The following GRIK2 variants were observed in gnomAD, a reference collection of about 807,000 sequenced individuals.
GRIK2 encodes glutamate ionotropic receptor kainate type subunit 2, also known as glutamate receptor ionotropic, kainate 2.
GRIK2 carries 32 observed loss-of-function variants against 100.3 expected under a neutral mutation model. The ratio of observed to expected loss-of-function variants is 0.32; its 90% CI spans 0.24 to 0.43. GRIK2 has a LOEUF of 0.43. GRIK2 is among the 20% of genes least tolerant of loss of function. The probability of loss-of-function intolerance (pLI) is 1.00; values close to 1 mark genes in which losing one functional copy is unlikely to be tolerated. For synonymous variants in GRIK2, 417 were observed against 389.4 expected, an observed-to-expected ratio of 1.07 and a Z score of -0.83; for missense variants, 843 against 1,114.9, an observed-to-expected ratio of 0.76 and a Z score of 3.47.
rs141915016 is a variant in GRIK2 at position 101,899,284 on chromosome 6, T to C, written c.1748+9421T>C. The stretch of plus-strand genomic sequence containing the variant: ...GTATAGTTTTTCTAGTTAGCTCTTG[T>C]GTAATAAAGCTGACTATGAAAATAT... On this transcript the variant is annotated intron_variant, in intron 12 of 16. Coordinates refer to ENST00000369134, the MANE Select transcript of GRIK2 (RefSeq NM_021956.5). 7.9e-3 allele frequency among the ~76,000 whole-genome samples: 1,203 copies of C among 151,962 alleles called. 22 individuals are homozygous for C. The highest frequency in any genetic ancestry group is 0.027 in the African/African-American group (1,138 of 41,540).
chr6:101,437,020 A>G lies in GRIK2; in HGVS notation c.115+37628A>G, dbSNP rs1057001145. On this transcript the variant is annotated intron_variant, in intron 2 of 16. Transcript: ENST00000369134. ...AAAATAATTTTAGAGTTCAATACCT[A>G]TATGGATATATATATATATATTTAT... is the stretch of plus-strand genomic sequence containing the variant. Among the ~76,000 whole-genome samples, 4 of 151,014 alleles carry G rather than the reference A, an allele frequency of 2.6e-5. No homozygotes were observed. In the East Asian group the frequency reaches 5.8e-4, roughly 22 times the overall value.
In GRIK2 at chr6:101,810,924, G is replaced by C. The variant is rs564703714; in HGVS notation, c.1204-7446G>C. Among the ~76,000 whole-genome samples, 18 of 152,074 alleles carry C rather than the reference G, an allele frequency of 1.2e-4. No individual in the cohort carries two copies. In the East Asian group the frequency reaches 3.5e-3, roughly 29 times the overall value. Reference sequence around the variant, plus strand: ...GTTTTCAGAAATAATAGGTATATGAGTTAATAGAGAAATAAACAGTCCACT... The same window carrying C: ...GTTTTCAGAAATAATAGGTATATGACTTAATAGAGAAATAAACAGTCCACT... On this transcript the variant is annotated intron_variant, in intron 9 of 16. Coordinates refer to ENST00000369134, the MANE Select transcript of GRIK2 (RefSeq NM_021956.5).
At chr6:101,973,136 C>T (rs866956302) in intron 14 of GRIK2, among the ~76,000 whole-genome samples, 1 of 151,822 alleles carries the variant, frequency 6.6e-6, no homozygotes, top group Non-Finnish European at 1.5e-5. Flanking sequence ...TATGACCTAT[C>T]TCTCAGACAT....
Position 102,056,801 on chromosome 6 carries a change from T to C in GRIK2, c.2562+1221T>C, listed in dbSNP as rs545252330. Among the ~76,000 whole-genome samples, 6 of 152,110 alleles carry C rather than the reference T, an allele frequency of 3.9e-5. No homozygotes were observed. The East Asian group carries it at 9.7e-4, about 25-fold the overall frequency. On this transcript the variant is annotated intron_variant, in intron 16 of 16. Transcript: ENST00000369134. The stretch of plus-strand genomic sequence containing the variant: ...GAATTTTGGATACAGTATTTGTACA[T>C]TTTTGCTTGATTACAGTACTTGACA...
chr6:101,521,041 C>T (rs72957154), intron 2 of GRIK2, among the ~76,000 whole-genome samples: 2 of 151,744 alleles, frequency 1.3e-5, no homozygotes, highest in South Asian at 2.1e-4. Context: ...TAATATTTGA[C>T]CATGCCAGTT....
At chr6:101,894,752 A>G (rs565811846) in intron 12 of GRIK2, among the ~76,000 whole-genome samples, 1 of 151,632 alleles carries the variant, frequency 6.6e-6, no homozygotes, top group Non-Finnish European at 1.5e-5. Flanking sequence ...TTATAAAATG[A>G]CTCCATTAAA....
chr6:102,068,774 A>T lies in GRIK2; in HGVS notation c.*263A>T, dbSNP rs1388997830. ...CTTCTGAGTGAATGTTAACATGCGC[A>T]TTTTGTGGCTGATTTCAAATGCAGT... On this transcript the variant is annotated 3_prime_UTR_variant, in exon 17 of 17. Transcript: ENST00000369134. The T allele has an allele frequency of 3.7e-6, 1 of 270,408 alleles. No individual in the cohort carries two copies. The highest frequency in any genetic ancestry group is 7.0e-6 in the Non-Finnish European group (1 of 143,028). 16.8% of individuals were successfully genotyped at this position (270,408 alleles called of 1,614,324 possible). A position where few individuals can be genotyped will look rare whatever the true frequency, so the allele number is the denominator to read the frequency against.
rs181114522 is a variant in GRIK2, at chr6:101,464,407, C to A, written c.115+65015C>A. On this transcript the variant is annotated intron_variant, in intron 2 of 16. Transcript: ENST00000369134. ...TTTTATAGTCCCTCCTGAGCAGGAG[C>A]CAATTGCAGTGGTGGAGGCATAAAC... Among the ~76,000 whole-genome samples, 3 of 151,644 alleles carry A rather than the reference C, an allele frequency of 2.0e-5. No individual in the cohort carries two copies. In the East Asian group the frequency reaches 5.8e-4, roughly 29 times the overall value.
intron 14 of GRIK2, among the ~76,000 whole-genome samples, chr6:102,033,175 T>C (rs1321308576): frequency 6.6e-6 from 1 of 151,410 alleles, no homozygotes; most frequent in Non-Finnish European, 1.5e-5. Context: ...GAATAGCATC[T>C]AGCACATGCT....
intron 14 of GRIK2, among the ~76,000 whole-genome samples, chr6:101,942,316 G>T (rs969439080): frequency 2.6e-5 from 4 of 152,096 alleles, no homozygotes; most frequent in African/African-American, 9.7e-5. Flanking sequence ...CTGTGAAACA[G>T]ACTAATATAG....
At chr6:101,635,167 T>C (rs997409505) in intron 4 of GRIK2, among the ~76,000 whole-genome samples, 2 of 152,148 alleles carry the variant, frequency 1.3e-5, no homozygotes, top group Admixed American at 1.3e-4. Flanking sequence ...AAATACAAGC[T>C]TCAAGTGCTG....
chr6:101,500,759 A>C (rs537206707), intron 2 of GRIK2, among the ~76,000 whole-genome samples: 3 of 152,204 alleles, frequency 2.0e-5, no homozygotes, highest in African/African-American at 7.2e-5. Context: ...TATTGACTTC[A>C]TGTTATTAAT....
chr6:101,898,591 C>G lies in GRIK2; in HGVS notation c.1748+8728C>G, dbSNP rs562559217. ...TGGGCACCTAGACAGGAGACATTAG[C>G]AACCAAATGTGTAGATTTGCTTTAT... On this transcript the variant is annotated intron_variant, in intron 12 of 16. Coordinates refer to ENST00000369134, the MANE Select transcript of GRIK2 (RefSeq NM_021956.5). Among the ~76,000 whole-genome samples, 175 of 151,934 alleles carry G rather than the reference C, an allele frequency of 1.2e-3. 2 individuals are homozygous for G. Among genetic ancestry groups the G allele is most frequent in the African/African-American group, 3.9e-3 (163 of 41,486 alleles).
chr6:101,716,611 GA>G (rs1189459584), intron 7 of GRIK2, among the ~76,000 whole-genome samples: 2 of 100,528 alleles, frequency 2.0e-5, no homozygotes, highest in African/African-American at 7.7e-5. Context: ...GGGGTGGGGG[GA>G]GGGGGGAGGG....
intron 4 of GRIK2, among the ~76,000 whole-genome samples, chr6:101,643,003 T>C (rs1019662848): frequency 6.6e-6 from 1 of 151,788 alleles, no homozygotes; most frequent in Non-Finnish European, 1.5e-5. Flanking sequence ...TTCTATATTC[T>C]TATTGATCAT....
chr6:102,045,230 G>T (rs937997183), intron 15 of GRIK2, among the ~76,000 whole-genome samples: 8 of 151,966 alleles, frequency 5.3e-5, no homozygotes, highest in Admixed American at 3.9e-4. Flanking sequence ...AATAAACAAG[G>T]TAATGTGTTA....
At chr6:101,568,705 C>T (rs1777397121) in intron 2 of GRIK2, among the ~76,000 whole-genome samples, 1 of 151,870 alleles carries the variant, frequency 6.6e-6, no homozygotes, top group South Asian at 2.1e-4. Flanking sequence ...GCCTTGTGAC[C>T]ATTTCTAACT....
At chr6:101,790,418 G>C (rs979195998) in intron 7 of GRIK2, among the ~76,000 whole-genome samples, 4 of 151,912 alleles carry the variant, frequency 2.6e-5, no homozygotes, top group African/African-American at 4.8e-5. Flanking sequence ...TAGCATGAAG[G>C]GTTGTTGAAT....
intron 4 of GRIK2, among the ~76,000 whole-genome samples, chr6:101,653,746 A>G (rs113554400): frequency 0.048 from 7,220 of 151,794 alleles, 555 homozygotes; most frequent in African/African-American, 0.16. Flanking sequence ...CAGCCTCCTG[A>G]GTAGCTGGGA....
Sources: gnomAD v4.1 joint callset for allele counts (sites outside exome capture counted in the v4.1 genomes callset) on GRCh38, gnomAD v4.1.1 for gene constraint, MANE v1.5 for transcripts, NCBI Gene and HGNC (gene_info 2026-07-23, HGNC 2026-07-21) for gene names.